The following FAT3 variants were observed in gnomAD, a reference collection of about 807,000 sequenced individuals.
The protein encoded by FAT3 is protocadherin Fat 3.
FAT3 carries 95 observed loss-of-function variants against 310.2 expected under a neutral mutation model. The observed-to-expected ratio is 0.31, with a 90% CI of 0.26 to 0.36. The LOEUF (loss-of-function observed/expected upper bound fraction) is 0.36. Among genes scored for constraint, FAT3 ranks in the 10% least tolerant of loss-of-function variants. FAT3 has a pLI of 1.00. For synonymous variants in FAT3, 2,314 were observed against 2,192.9 expected, an observed-to-expected ratio of 1.06 and a Z score of -1.54; for missense variants, 5,408 against 5,715.6, an observed-to-expected ratio of 0.95 and a Z score of 1.74.
intron 1 of FAT3, among the ~76,000 whole-genome samples, chr11:92,342,614 A>G (rs1040293910): frequency 3.3e-5 from 5 of 152,084 alleles, no homozygotes; most frequent in Admixed American, 3.3e-4. Context: ...CCCCCCGACT[A>G]TTGGAATTAA....
Position 92,890,522 on chromosome 11 carries a change from A to T in FAT3, c.13179A>T (p.Pro4393=). Residue 4393 remains proline (P), a synonymous_variant, in exon 28 of 28, where the codon CCA becomes CCT. Coordinates refer to ENST00000525166, the MANE Select transcript of FAT3 (RefSeq NM_001367949.2). ...AYHWDTSDWM[P]GARLSDIEEV... is the part of the protein sequence containing the mutation. Reference sequence around the variant, plus strand: ...ACTGGGACACCTCTGATTGGATGCCAGGGGCCCGCCTGTCGGACATAGAGG... The same window carrying T: ...ACTGGGACACCTCTGATTGGATGCCTGGGGCCCGCCTGTCGGACATAGAGG... 1 of 1,613,376 alleles carries T rather than the reference A, an allele frequency of 6.2e-7. No homozygotes were observed. Among genetic ancestry groups the T allele is most frequent in the South Asian group, 1.1e-5 (1 of 91,022 alleles).
chr11:92,702,896 A>T (rs201392729), intron 4 of FAT3, among the ~76,000 whole-genome samples: 1 of 152,254 alleles, frequency 6.6e-6, no homozygotes, highest in Non-Finnish European at 1.5e-5. Flanking sequence ...GACAAGGCCC[A>T]GTAACCAGTG....
chr11:92,447,550 C>G (rs1951250545), intron 2 of FAT3, among the ~76,000 whole-genome samples: 1 of 152,064 alleles, frequency 6.6e-6, no homozygotes, highest in Non-Finnish European at 1.5e-5. Context: ...TCATTTTCCC[C>G]AAACTGAACT....
intron 21 of FAT3, 115 bp downstream of exon 21, chr11:92,859,437 GA>G: frequency 5.5e-6 from 6 of 1,091,374 alleles, no homozygotes; most frequent in Non-Finnish European, 7.5e-6. Context: ...ACCAGAAGCA[GA>G]CTTCTGGGCA....
In FAT3 at chr11:92,801,506, C is replaced by A. The variant is rs369269637; in HGVS notation, c.8493C>A (p.Thr2831=). The A allele has an allele frequency of 6.2e-7, 1 of 1,611,356 alleles. No homozygotes were observed. The highest frequency in any genetic ancestry group is 8.5e-7 in the Non-Finnish European group (1 of 1,178,616). Residue 2831 remains threonine (T), a synonymous_variant, in exon 10 of 28, where the codon ACC becomes ACA. Transcript: ENST00000525166. ...TAATGGAAGGGATGCCTGTTGGCAC[C>A]AAACTCACACAAGTGAGAGCTATTG... ...TIIMEGMPVG[T]KLTQVRAIDM...
chr11:92,783,490 T>G (rs1295180720), intron 7 of FAT3, among the ~76,000 whole-genome samples: 3 of 123,384 alleles, frequency 2.4e-5, no homozygotes, highest in Non-Finnish European at 5.1e-5. Flanking sequence ...ATGTAAGACT[T>G]TCTTTTTTAA....
At chr11:92,776,257 A>G (rs1946595144) in intron 7 of FAT3, among the ~76,000 whole-genome samples, 1 of 152,238 alleles carries the variant, frequency 6.6e-6, no homozygotes, top group Admixed American at 6.5e-5. Context: ...TTTTTAGAAC[A>G]AGTGAATGAA....
chr11:92,720,666 T>G (rs969334022), intron 4 of FAT3, among the ~76,000 whole-genome samples: 1 of 152,218 alleles, frequency 6.6e-6, no homozygotes, highest in Non-Finnish European at 1.5e-5. Context: ...TTCATTTATC[T>G]TTCTCCTCAT....
At chr11:92,291,110 CACACACAT>C (rs1282735128) in intron 1 of FAT3, among the ~76,000 whole-genome samples, 139 of 151,774 alleles carry the variant, frequency 9.2e-4, no homozygotes, top group Middle Eastern at 3.4e-3. Flanking sequence ...CACACACACA[CACACACAT>C]GCACGCGCGC....
At chr11:92,339,908 C>G (rs369814696) in intron 1 of FAT3, among the ~76,000 whole-genome samples, 1 of 152,028 alleles carries the variant, frequency 6.6e-6, no homozygotes, top group African/African-American at 2.4e-5. Context: ...GTCAGGAGAT[C>G]GAGACCATCC....
intron 4 of FAT3, among the ~76,000 whole-genome samples, chr11:92,713,897 G>A (rs1944598038): frequency 1.3e-5 from 2 of 152,176 alleles, no homozygotes; most frequent in South Asian, 4.1e-4. Context: ...AATGCCTGCA[G>A]CATTCTTATG....
At chr11:92,507,665 T>C (rs1953156009) in intron 2 of FAT3, among the ~76,000 whole-genome samples, 1 of 149,832 alleles carries the variant, frequency 6.7e-6, no homozygotes, top group Admixed American at 6.6e-5. Flanking sequence ...TATACACATA[T>C]ATGTACACAT....
chr11:92,728,948 C>A (rs1945087071), intron 4 of FAT3, among the ~76,000 whole-genome samples: 1 of 152,092 alleles, frequency 6.6e-6, no homozygotes, highest in African/African-American at 2.4e-5. Flanking sequence ...TTGCAAAGAC[C>A]CCTTTTTCAA....
intron 4 of FAT3, among the ~76,000 whole-genome samples, chr11:92,715,306 G>T (rs1160136243): frequency 6.6e-6 from 1 of 151,632 alleles, no homozygotes; most frequent in Non-Finnish European, 1.5e-5. Flanking sequence ...TACTCAGGAG[G>T]CTGAGGCAGG....
In FAT3 at chr11:92,568,079, G is replaced by A. The variant is rs150574625; in HGVS notation, c.3607+43131G>A. ...AAAATTCATGCCATTCAGTCAATCC[G>A]CAAATATTTATTGAATGTCTCCTAG... On this transcript the variant is annotated intron_variant, in intron 3 of 27. Coordinates refer to ENST00000525166, the MANE Select transcript of FAT3 (RefSeq NM_001367949.2). Among the ~76,000 whole-genome samples the A allele has an allele frequency of 7.2e-5, 11 of 152,044 alleles. No homozygotes were observed. In the East Asian group the frequency reaches 9.7e-4, roughly 13 times the overall value.
chr11:92,724,778 G>T (rs1346543917), intron 4 of FAT3, among the ~76,000 whole-genome samples: 1 of 152,178 alleles, frequency 6.6e-6, no homozygotes, highest in Non-Finnish European at 1.5e-5. Flanking sequence ...TGTTGCCATA[G>T]ATTTACCTAA....
intron 3 of FAT3, among the ~76,000 whole-genome samples, chr11:92,658,956 A>G (rs1030896502): frequency 6.6e-6 from 1 of 152,056 alleles, no homozygotes; most frequent in African/African-American, 2.4e-5. Context: ...CATCATCAAT[A>G]TCAACATCAA....
At chr11:92,596,205 G>A (rs892213646) in intron 3 of FAT3, among the ~76,000 whole-genome samples, 9 of 151,970 alleles carry the variant, frequency 5.9e-5, no homozygotes, top group African/African-American at 1.5e-4. Context: ...ATTTTTGAGG[G>A]CTTCACCATT....
In FAT3 at chr11:92,561,602, TATTTATTTATTTATC is replaced by T. The variant is rs1005363590; in HGVS notation, c.3607+36669_3607+36683del. Among the ~76,000 whole-genome samples the T allele has an allele frequency of 2.6e-5, 4 of 151,940 alleles. No homozygotes were observed. The East Asian group carries it at 5.8e-4, about 22-fold the overall frequency. ...TCAACATTTTGATTCTTTTATTATC[TATTTATTTATTTATC>T]ATTTATTTATTTATTTATTTATTTT... On this transcript the variant is annotated intron_variant, in intron 3 of 27. Coordinates refer to ENST00000525166, the MANE Select transcript of FAT3 (RefSeq NM_001367949.2).
Sources: gnomAD v4.1 joint callset for allele counts (sites outside exome capture counted in the v4.1 genomes callset) on GRCh38, gnomAD v4.1.1 for gene constraint, MANE v1.5 for transcripts, NCBI Gene and HGNC (gene_info 2026-07-23, HGNC 2026-07-21) for gene names.